Variants in FN1 observed in about 807,000 individuals in gnomAD.
FN1 encodes the protein fibronectin.
Under a neutral mutation model 297.3 loss-of-function variants are expected in FN1, and 106 were observed. The ratio of observed to expected loss-of-function variants is 0.36; its 90% CI spans 0.30 to 0.42. FN1 has a LOEUF of 0.42. Ranked by LOEUF, FN1 falls within the 10% of genes least tolerant of loss-of-function variation. The pLI is 1.00. For missense variants in FN1, 2,690 were observed against 3,124.9 expected, an observed-to-expected ratio of 0.86 and a Z score of 3.32; for synonymous variants, 1,149 against 1,152.6, an observed-to-expected ratio of 1.00 and a Z score of 0.06.
chr2:215,374,706 C>CT (rs1233383226), intron 38 of FN1, among the ~76,000 whole-genome samples: 1 of 152,184 alleles, frequency 6.6e-6, no homozygotes, highest in Admixed American at 6.5e-5. Flanking sequence ...ATACTAGAGG[C>CT]TTATAGTCTT....
intron 35 of FN1, 120 bp from the exon 36 acceptor site, chr2:215,376,794 G>C (rs1295083758): frequency 3.7e-6 from 3 of 810,556 alleles, no homozygotes; most frequent in Non-Finnish European, 6.1e-6. Flanking sequence ...TATATAACTA[G>C]TAATGTGTAG....
chr2:215,362,034 G>T lies in FN1; in HGVS notation c.7297C>A (p.Pro2433Thr), dbSNP rs1559298353. 5 of 1,614,110 alleles carry T rather than the reference G, an allele frequency of 3.1e-6. No individual in the cohort carries two copies. The highest frequency in any genetic ancestry group is 4.2e-6 in the Non-Finnish European group (5 of 1,179,982). ...TAGGACTGGCCAGTAGTGCCTTCGG[G>T]ACTGGGTTCACCCCCAGGTCTGCGG... is the stretch of plus-strand genomic sequence containing the variant. ...NCRRPGGEPS[P>T]EGTTGQSYNQ... is the part of the protein sequence containing the mutation. Residue 2433 changes from proline to threonine, a missense_variant, in exon 45 of 46, where the codon CCC becomes ACC. Physicochemically the swap from Pro to Thr is conservative, Grantham distance 38 (BLOSUM62 -1). Transcript: ENST00000354785.
At chr2:215,367,694 C>T (rs1368802337) in intron 42 of FN1, 169 bp downstream of exon 42, 6 of 709,770 alleles carry the variant, frequency 8.5e-6, no homozygotes, top group African/African-American at 7.0e-5. Context: ...TAAAATTTCC[C>T]ATCATTTTTC....
chr2:215,379,458 AGTAC>A lies in FN1; in HGVS notation c.5435-145_5435-142del, dbSNP rs56886513. ...GTCAAGCAAAGATTCAGTACAAGAA[AGTAC>A]GTACAGTAAGGGATGCAAAATGAAG... On this transcript the variant is annotated intron_variant, in intron 33 of 45. Coordinates refer to ENST00000354785, the MANE Select transcript of FN1 (RefSeq NM_212482.4). 577,301 of 679,834 alleles carry A rather than the reference AGTAC, an allele frequency of 0.85. 248,966 individuals are homozygous for A. Among genetic ancestry groups the A allele is most frequent in the East Asian group, 1 (36,789 of 36,814 alleles). The allele number at this position is 679,834 out of a possible 1,614,324, so 42.1% of individuals were successfully genotyped here.
In FN1 at chr2:215,435,716, G is replaced by A; in HGVS notation, c.87C>T (p.Ser29=). 1 of 1,611,330 alleles carries A rather than the reference G, an allele frequency of 6.2e-7. No homozygotes were observed. The change falls in exon 1 of 46, where the codon AGC becomes AGT. Residue 29 remains serine, a synonymous_variant. Coordinates refer to ENST00000354785, the MANE Select transcript of FN1 (RefSeq NM_212482.4). ...TAVPSTGASK[S]KRQAQQMVQP... ...GAACCATTTGCTGAGCCTGCCTCTT[G>A]CTCTTCGAGGCTCCCGTGGAGGGCA...
At chr2:215,433,883 C>T (rs1362547969) in intron 2 of FN1, among the ~76,000 whole-genome samples, 2 of 152,206 alleles carry the variant, frequency 1.3e-5, no homozygotes, top group African/African-American at 4.8e-5. Context: ...GGGTGGATCA[C>T]CTGAGGTCAG....
intron 13 of FN1, among the ~76,000 whole-genome samples, chr2:215,413,051 T>C (rs1301057551): frequency 6.6e-6 from 1 of 152,210 alleles, no homozygotes; most frequent in Non-Finnish European, 1.5e-5. Context: ...TTATTCCTCT[T>C]TGTTTTTATA....
chr2:215,426,352 G>T lies in FN1; in HGVS notation c.845-1067C>A, dbSNP rs576253871. Among the ~76,000 whole-genome samples, 14 of 152,004 alleles carry T rather than the reference G, an allele frequency of 9.2e-5. No homozygotes were observed. The East Asian group carries it at 2.5e-3, about 27-fold the overall frequency. On this transcript the variant is annotated intron_variant, in intron 6 of 45. Transcript: ENST00000354785. ...TTTAGTAGAGACGGGGTTTCACCGTGTTAGCCAGGATGGTCTCGATCTCCT... is the reference window on the plus strand; with the variant it reads ...TTTAGTAGAGACGGGGTTTCACCGTTTTAGCCAGGATGGTCTCGATCTCCT...
chr2:215,416,207 T>C (rs1312008330), intron 12 of FN1, among the ~76,000 whole-genome samples: 2 of 152,176 alleles, frequency 1.3e-5, no homozygotes, highest in Non-Finnish European at 2.9e-5. Context: ...TCCACACCAG[T>C]AACAATTCAA....
intron 30 of FN1, 120 bp from the exon 31 acceptor site, chr2:215,383,603 C>A: frequency 9.3e-7 from 1 of 1,075,696 alleles, no homozygotes; most frequent in East Asian, 2.4e-5. Flanking sequence ...AAAGGTATTT[C>A]TTCTCGAAAG....
intron 20 of FN1, among the ~76,000 whole-genome samples, chr2:215,401,247 A>AAGGAAGGAAGGAAGGAAGGAAGGAAGG (rs1559475686): frequency 1.4e-4 from 11 of 80,134 alleles, no homozygotes; most frequent in African/African-American, 5.2e-4. Flanking sequence ...AGAAAGAAAG[A>AAGGAAGGAAGGAAGGAAGGAAGGAAGG]AAGGAAGAAA....
At position 215,368,023 on chromosome 2, in the gene FN1, G is replaced by A. The variant is rs555829524; in HGVS notation, c.6858C>T (p.Asn2286=). The stretch of plus-strand genomic sequence containing the variant: ...CATCCGTAGGTTGGTTCAAGCCTTC[G>A]TTGACTATGAAGAAAAGGAAGAAAA... ...EEVVTVGNSV[N]EGLNQPTDDS... Residue 2286 remains asparagine (N), a synonymous_variant, in exon 42 of 46, where the codon AAC becomes AAT. Coordinates refer to ENST00000354785, the MANE Select transcript of FN1 (RefSeq NM_212482.4). The A allele has an allele frequency of 1.9e-5, 30 of 1,614,104 alleles. No homozygotes were observed. The highest frequency in any genetic ancestry group is 1.2e-4 in the African/African-American group (9 of 75,028).
chr2:215,404,544 A>G lies in FN1; in HGVS notation c.3098T>C (p.Leu1033Pro), dbSNP rs2061528984. The change falls in exon 20 of 46, where the codon CTT becomes CCT. Residue 1033 changes from leucine (L) to proline (P), a missense_variant. Coordinates refer to ENST00000354785, the MANE Select transcript of FN1 (RefSeq NM_212482.4). ...QITGYRLTVG[L>P]TRRGQPRQYN... Reference sequence around the variant, plus strand: ...CTGCCTGGGCTGTCCTCTTCGGGTAAGGCCCACGGTCAGTCGGTATCCTGT... The same window carrying G: ...CTGCCTGGGCTGTCCTCTTCGGGTAGGGCCCACGGTCAGTCGGTATCCTGT... 1 of 1,614,018 alleles carries G rather than the reference A, an allele frequency of 6.2e-7. No homozygotes were observed. The highest frequency in any genetic ancestry group is 1.7e-5 in the Admixed American group (1 of 60,006).
chr2:215,391,494 G>GTT, intron 26 of FN1, 138 bp downstream of exon 26: 1 of 728,224 alleles, frequency 1.4e-6, no homozygotes, highest in Non-Finnish European at 2.5e-6. Context: ...AATTAATGGA[G>GTT]CTGTGCATTG....
chr2:215,410,130 A>C lies in FN1; in HGVS notation c.1942-16T>G, dbSNP rs578138083. On this transcript the variant is annotated splice_polypyrimidine_tract_variant and intron_variant, in intron 13 of 45. Coordinates refer to ENST00000354785, the MANE Select transcript of FN1 (RefSeq NM_212482.4). ...CAGAATTTTTCTGAAAATTTAAATT[A>C]ACACACACACACACACACACACGTG... 6 of 1,423,004 alleles carry C rather than the reference A, an allele frequency of 4.2e-6. No homozygotes were observed. The highest frequency in any genetic ancestry group is 5.8e-6 in the Non-Finnish European group (6 of 1,035,530). The allele number at this position is 1,423,004 out of a possible 1,614,324, so 88.1% of individuals were successfully genotyped here.
intron 40 of FN1, 108 bp from the exon 41 acceptor site, chr2:215,370,540 CAAAAAACAAAAAACAAAA>C (rs1023319638): frequency 8.9e-5 from 27 of 304,984 alleles, no homozygotes; most frequent in Non-Finnish European, 1.2e-4. Context: ...CAAAGGAAGA[CAAAAAACAAAAAACAAAA>C]AAAAAAAAAA....
intron 5 of FN1, among the ~76,000 whole-genome samples, chr2:215,429,510 T>C (rs974296156): frequency 6.6e-6 from 1 of 152,168 alleles, no homozygotes; most frequent in Non-Finnish European, 1.5e-5. Context: ...TTCAAACAAA[T>C]ACACACCCAC....
intron 26 of FN1, 40 bp downstream of exon 26, chr2:215,391,592 T>C (rs2059711018): frequency 1.3e-6 from 2 of 1,546,546 alleles, no homozygotes; most frequent in Non-Finnish European, 1.8e-6. Flanking sequence ...TGCTATGCTC[T>C]AGGTTAATAT....
At chr2:215,400,023 A>C (rs889812985) in intron 20 of FN1, among the ~76,000 whole-genome samples, 25 of 151,952 alleles carry the variant, frequency 1.6e-4, no homozygotes, top group African/African-American at 6.0e-4. Flanking sequence ...CCCTGTCTCT[A>C]TTAAAAATAT....
Sources: gnomAD v4.1 joint callset for allele counts (sites outside exome capture counted in the v4.1 genomes callset) on GRCh38, gnomAD v4.1.1 for gene constraint, MANE v1.5 for transcripts, NCBI Gene and HGNC (gene_info 2026-07-23, HGNC 2026-07-21) for gene names.